The following CNTN1 variants were observed in gnomAD, a reference collection of about 807,000 sequenced individuals.
The protein encoded by CNTN1 is contactin 1.
A neutral mutation model predicts 126.4 loss-of-function variants in CNTN1; 38 were observed. The ratio of observed to expected loss-of-function variants is 0.30; its 90% CI spans 0.23 to 0.39. The LOEUF (loss-of-function observed/expected upper bound fraction) is 0.39. CNTN1 is among the 10% of genes least tolerant of loss of function. CNTN1 has a pLI of 1.00. For missense variants in CNTN1, 1,009 were observed against 1,248.4 expected, an observed-to-expected ratio of 0.81 and a Z score of 2.89; for synonymous variants, 413 against 422.6, an observed-to-expected ratio of 0.98 and a Z score of 0.28.
intron 23 of CNTN1, among the ~76,000 whole-genome samples, chr12:41,038,066 G>C (rs897298129): frequency 1.3e-5 from 2 of 152,106 alleles, no homozygotes; most frequent in African/African-American, 2.4e-5. Context: ...GCTGATGCAG[G>C]AGAATTGCTT....
rs145421070 is a variant in CNTN1, at chr12:40,885,518, T to C, written c.-76-22839T>C. On this transcript the variant is annotated intron_variant, in intron 1 of 23. Transcript: ENST00000551295. ...AATCCCAACATGCCTACTAGTTAACTGTGTGACCTTAGCTACTTCACATCT... is the reference window on the plus strand; with the variant it reads ...AATCCCAACATGCCTACTAGTTAACCGTGTGACCTTAGCTACTTCACATCT... 3.1e-3 allele frequency among the ~76,000 whole-genome samples: 476 copies of C among 152,100 alleles called. 3 individuals carry two copies. Among genetic ancestry groups the C allele is most frequent in the African/African-American group, 0.011 (454 of 41,548 alleles).
intron 17 of CNTN1, among the ~76,000 whole-genome samples, chr12:40,996,000 C>G (rs935722383): frequency 5.9e-5 from 9 of 152,296 alleles, no homozygotes; most frequent in African/African-American, 2.2e-4. Context: ...TGTTTCTCAT[C>G]TAAAGGCTTT....
chr12:40,943,657 T>A lies in CNTN1; in HGVS notation c.1440T>A (p.Gly480=). The A allele has an allele frequency of 6.2e-7, 1 of 1,607,356 alleles. No homozygotes were observed. Among genetic ancestry groups the A allele is most frequent in the Non-Finnish European group, 8.5e-7 (1 of 1,174,170 alleles). Residue 480 remains glycine, a synonymous_variant, in exon 13 of 24, where the codon GGT becomes GGA. Coordinates refer to ENST00000551295, the MANE Select transcript of CNTN1 (RefSeq NM_001843.4). ...EINNITRNDG[G]IYTCFAENNR... ...ACAACATTACAAGGAATGATGGAGG[T>A]ATCTATACATGCTTTGCAGAAAATA...
At chr12:40,930,701 ACC>A (rs1302970117) in intron 7 of CNTN1, among the ~76,000 whole-genome samples, 1 of 152,006 alleles carries the variant, frequency 6.6e-6, no homozygotes, top group African/African-American at 2.4e-5. Flanking sequence ...ATGAGAGCAT[ACC>A]AGCTTCAGAT....
intron 1 of CNTN1, among the ~76,000 whole-genome samples, chr12:40,708,303 G>GA (rs1417322152): frequency 1.3e-5 from 2 of 152,100 alleles, no homozygotes; most frequent in Non-Finnish European, 2.9e-5. Context: ...CACATTTTTT[G>GA]ATATTTCAAT....
chr12:40,745,291 C>T (rs752490416), intron 1 of CNTN1, among the ~76,000 whole-genome samples: 5 of 152,094 alleles, frequency 3.3e-5, no homozygotes, highest in African/African-American at 4.8e-5. Context: ...TGACACAACC[C>T]TCAGGAGATG....
chr12:40,871,837 G>GA (rs1011675723), intron 1 of CNTN1, among the ~76,000 whole-genome samples: 12 of 152,016 alleles, frequency 7.9e-5, no homozygotes, highest in East Asian at 1.9e-4. Flanking sequence ...TAGTTTGACA[G>GA]AAAAAATGCA....
intron 23 of CNTN1, among the ~76,000 whole-genome samples, chr12:41,052,416 T>C (rs758243476): frequency 2.4e-4 from 36 of 152,298 alleles, no homozygotes; most frequent in African/African-American, 7.7e-4. Context: ...GCAGTGGCTT[T>C]AAAAAGTGCC....
chr12:40,927,919 T>C (rs1373733386), intron 6 of CNTN1, among the ~76,000 whole-genome samples: 3 of 151,968 alleles, frequency 2.0e-5, no homozygotes, highest in Non-Finnish European at 4.4e-5. Context: ...ACACATCTCT[T>C]ATGAGTGGGG....
At chr12:41,002,797 T>C (rs1213408786) in intron 17 of CNTN1, among the ~76,000 whole-genome samples, 3 of 152,152 alleles carry the variant, frequency 2.0e-5, no homozygotes, top group Non-Finnish European at 4.4e-5. Context: ...GACCTCGTGA[T>C]CCGCCTGCCT....
intron 3 of CNTN1, among the ~76,000 whole-genome samples, chr12:40,913,384 T>C (rs2136831776): frequency 6.6e-6 from 1 of 152,274 alleles, no homozygotes; most frequent in Admixed American, 6.5e-5. Context: ...TTTAGAGAGT[T>C]TCAAGAGAGC....
Position 40,720,108 on chromosome 12 carries a change from C to T in CNTN1, c.-77+27516C>T, listed in dbSNP as rs1036719167. On this transcript the variant is annotated intron_variant, in intron 1 of 23. Coordinates refer to ENST00000551295, the MANE Select transcript of CNTN1 (RefSeq NM_001843.4). ...CCTCGTGCTCTGCCTGCCTTGGCCT[C>T]CCAAAGTGCTGGGATTACAGGCATG... Among the ~76,000 whole-genome samples the T allele has an allele frequency of 4.5e-5, 5 of 110,946 alleles. No homozygotes were observed. In the Admixed American group the frequency reaches 4.8e-4, roughly 11 times the overall value. The allele number at this position is 110,946 out of a possible 152,430, so 72.8% of individuals were successfully genotyped here. A position where few individuals can be genotyped will look rare whatever the true frequency, so the allele number is the denominator to read the frequency against.
chr12:40,810,951 T>C (rs1260851136), intron 1 of CNTN1, among the ~76,000 whole-genome samples: 2 of 152,158 alleles, frequency 1.3e-5, no homozygotes, highest in East Asian at 3.9e-4. Context: ...TACAATCAGC[T>C]ACAACCATGG....
chr12:40,894,742 T>A (rs1245694931), intron 1 of CNTN1, among the ~76,000 whole-genome samples: 2 of 152,154 alleles, frequency 1.3e-5, no homozygotes, highest in Non-Finnish European at 2.9e-5. Context: ...AGATAATATA[T>A]AATGCTGGCT....
chr12:40,876,822 TAACAA>T (rs1427101239), intron 1 of CNTN1, among the ~76,000 whole-genome samples: 1 of 152,144 alleles, frequency 6.6e-6, no homozygotes, highest in Non-Finnish European at 1.5e-5. Flanking sequence ...TTTCCTTTTT[TAACAA>T]AACTTTTTGA....
At chr12:41,058,750 T>G (rs1949878688) in intron 23 of CNTN1, among the ~76,000 whole-genome samples, 1 of 149,282 alleles carries the variant, frequency 6.7e-6, no homozygotes, top group Admixed American at 6.6e-5. Context: ...CAATCCAAGG[T>G]GATTAGAATT....
intron 14 of CNTN1, among the ~76,000 whole-genome samples, chr12:40,953,004 C>A (rs1274372519): frequency 1.3e-5 from 2 of 151,944 alleles, no homozygotes; most frequent in African/African-American, 4.8e-5. Flanking sequence ...TTATCTAGAC[C>A]TTTTCTGTAC....
chr12:40,818,626 C>T (rs1941332574), intron 1 of CNTN1, among the ~76,000 whole-genome samples: 1 of 152,124 alleles, frequency 6.6e-6, no homozygotes, highest in Admixed American at 6.5e-5. Context: ...GCTCCTTTAG[C>T]TCATCATAGT....
intron 1 of CNTN1, among the ~76,000 whole-genome samples, chr12:40,746,355 T>A (rs542981422): frequency 1.3e-5 from 2 of 152,224 alleles, no homozygotes; most frequent in African/African-American, 4.8e-5. Flanking sequence ...TTATCATATA[T>A]GAATACATTA....
Sources: gnomAD v4.1 joint callset for allele counts (sites outside exome capture counted in the v4.1 genomes callset) on GRCh38, gnomAD v4.1.1 for gene constraint, MANE v1.5 for transcripts, NCBI Gene and HGNC (gene_info 2026-07-23, HGNC 2026-07-21) for gene names.